The following ACTR3C variants were observed in gnomAD, a reference collection of about 807,000 sequenced individuals.
ACTR3C encodes actin related protein 3C.
In ACTR3C, 18 loss-of-function variants were observed where a neutral mutation model predicts 26.3. The observed-to-expected ratio is 0.68, with a 90% CI of 0.47 to 1.01. The LOEUF (loss-of-function observed/expected upper bound fraction) is 1.01. Ranked by LOEUF, ACTR3C falls within the 50% of genes least tolerant of loss-of-function variation. ACTR3C has a pLI of 0.00. For synonymous variants in ACTR3C, 55 were observed against 94.5 expected (o/e 0.58, Z 2.42); for missense variants, 184 against 250.7 (o/e 0.73, Z 1.80).
the ACTR3C span, among the ~76,000 whole-genome samples, chr7:150,035,282 T>C: frequency 0.086 from 2,611 of 30,230 alleles, 541 homozygotes; most frequent in Non-Finnish European, 0.12. Context: ...CCCTGCCTCG[T>C]GGAGAGTGCC....
the ACTR3C span, among the ~76,000 whole-genome samples, chr7:150,000,041 T>C: frequency 1.3e-5 from 2 of 149,582 alleles, no homozygotes; most frequent in Non-Finnish European, 3.0e-5. Flanking sequence ...CAATCTAGTA[T>C]AGTCATTATA....
the ACTR3C span, among the ~76,000 whole-genome samples, chr7:150,090,610 A>G: frequency 1.3e-5 from 2 of 150,934 alleles, no homozygotes; most frequent in Admixed American, 6.6e-5. Flanking sequence ...AGGAAAATAG[A>G]TGACACCTCT....
chr7:149,907,784 T>C, the ACTR3C span, among the ~76,000 whole-genome samples: 38 of 152,138 alleles, frequency 2.5e-4, no homozygotes, highest in African/African-American at 8.4e-4. Context: ...CAGCCTTTTA[T>C]AGCTGTCACA....
At chr7:150,163,111 A>G in the ACTR3C span, among the ~76,000 whole-genome samples, 1 of 151,522 alleles carries the variant, frequency 6.6e-6, no homozygotes, top group Non-Finnish European at 1.5e-5. Context: ...TCGAGATCAC[A>G]CCACTGCACT....
At chr7:150,117,125 G>T in the ACTR3C span, among the ~76,000 whole-genome samples, 2 of 152,218 alleles carry the variant, frequency 1.3e-5, no homozygotes, top group Non-Finnish European at 2.9e-5. Flanking sequence ...TATCACCAGG[G>T]CCCTGGCTTT....
the ACTR3C span, among the ~76,000 whole-genome samples, chr7:150,049,838 T>C: frequency 2.0e-5 from 3 of 152,238 alleles, no homozygotes; most frequent in African/African-American, 7.2e-5. Context: ...CCCTTTACTA[T>C]GAAGAAACAT....
intron 2 of ACTR3C, among the ~76,000 whole-genome samples, chr7:150,294,836 C>A (rs1462650048): frequency 6.6e-6 from 1 of 151,286 alleles, no homozygotes; most frequent in Non-Finnish European, 1.5e-5. Context: ...ACAAGTTCTG[C>A]GAGCTCATGA....
the ACTR3C span, among the ~76,000 whole-genome samples, chr7:150,077,665 G>A: frequency 2.6e-5 from 4 of 152,178 alleles, no homozygotes; most frequent in Non-Finnish European, 5.9e-5. Flanking sequence ...AGGGGAATTG[G>A]CTTTGTACTG....
chr7:150,180,796 C>T, the ACTR3C span, among the ~76,000 whole-genome samples: 42 of 148,668 alleles, frequency 2.8e-4, no homozygotes, highest in Non-Finnish European at 4.4e-4. Flanking sequence ...AGGCGTGAGC[C>T]ACTGTGCCTG....
the ACTR3C span, among the ~76,000 whole-genome samples, chr7:150,015,512 A>C: frequency 2.0e-5 from 3 of 152,132 alleles, no homozygotes; most frequent in African/African-American, 7.2e-5. Flanking sequence ...CCCTTTCTAT[A>C]ACAAACTAGA....
the ACTR3C span, among the ~76,000 whole-genome samples, chr7:150,198,816 C>T: frequency 3.4e-5 from 5 of 146,764 alleles, no homozygotes; most frequent in African/African-American, 1.3e-4. Context: ...GGGGGTCAGC[C>T]CCCCGCCCGG....
At chr7:150,177,862 TTTTA>T in the ACTR3C span, among the ~76,000 whole-genome samples, 1 of 150,822 alleles carries the variant, frequency 6.6e-6, no homozygotes, top group Admixed American at 6.6e-5. Context: ...ACTGATATAT[TTTTA>T]TTTATCTGTC....
intron 6 of ACTR3C, among the ~76,000 whole-genome samples, chr7:150,284,391 A>G (rs917408984): frequency 6.6e-6 from 1 of 151,984 alleles, no homozygotes; most frequent in African/African-American, 2.4e-5. Context: ...AACACACACA[A>G]AAAAATTCGC....
the ACTR3C span, among the ~76,000 whole-genome samples, chr7:150,081,208 A>AG: frequency 6.6e-6 from 1 of 151,366 alleles, no homozygotes; most frequent in Non-Finnish European, 1.5e-5. Flanking sequence ...AAGGGAGGGA[A>AG]GGAGGGAAGG....
the ACTR3C span, among the ~76,000 whole-genome samples, chr7:150,118,434 G>T: frequency 3.3e-5 from 5 of 151,280 alleles, no homozygotes; most frequent in African/African-American, 1.2e-4. Flanking sequence ...ACTTTGTGAA[G>T]CATATACAAG....
intron 1 of ACTR3C, among the ~76,000 whole-genome samples, chr7:150,308,852 G>A (rs1189139918): frequency 4.6e-5 from 7 of 152,154 alleles, no homozygotes; most frequent in Non-Finnish European, 1.0e-4. Context: ...AAGGGTTCAT[G>A]TACCTTTTTC....
At chr7:150,052,318 A>C in the ACTR3C span, among the ~76,000 whole-genome samples, 1 of 152,152 alleles carries the variant, frequency 6.6e-6, no homozygotes, top group Non-Finnish European at 1.5e-5. Flanking sequence ...GGGGCTGGGT[A>C]GTAAGACCTT....
the ACTR3C span, among the ~76,000 whole-genome samples, chr7:150,035,925 G>C: frequency 0.033 from 2,077 of 63,300 alleles, 147 homozygotes; most frequent in Middle Eastern, 0.11. Flanking sequence ...GGGGTGCCTC[G>C]CCCTCCTGCG....
Position 150,259,324 on chromosome 7 carries a change from A to G in ACTR3C, c.565-10270T>C, listed in dbSNP as rs1833478478. Among the ~76,000 whole-genome samples, 4 of 152,116 alleles carry G rather than the reference A, an allele frequency of 2.6e-5. No homozygotes were observed. In the South Asian group the frequency reaches 8.3e-4, roughly 32 times the overall value. ...GAAAGAAAGAAAAAGAGAGGAAAGA[A>G]AGGAAAGAAAGAAAGAAAGACAGAG... On this transcript the variant is annotated intron_variant, in intron 6 of 7. Transcript: ENST00000683684.
Sources: gnomAD v4.1 joint callset for allele counts (sites outside exome capture counted in the v4.1 genomes callset) on GRCh38, gnomAD v4.1.1 for gene constraint, MANE v1.5 for transcripts, NCBI Gene and HGNC (gene_info 2026-07-23, HGNC 2026-07-21) for gene names.